SNX27: variants seen among roughly 807,000 people sequenced by gnomAD.
The protein encoded by SNX27 is sorting nexin-27.
In SNX27, 22 loss-of-function variants were observed where a neutral mutation model predicts 71.6. The observed-to-expected ratio is 0.31, with a 90% CI of 0.22 to 0.44. The LOEUF (loss-of-function observed/expected upper bound fraction) is 0.44, where lower values mean the gene tolerates loss of function less well. SNX27 is among the 20% of genes least tolerant of loss of function. The probability of loss-of-function intolerance (pLI) is 1.00; values close to 1 mark genes in which losing one functional copy is unlikely to be tolerated. For missense variants in SNX27, 531 were observed against 698.6 expected, an observed-to-expected ratio of 0.76 and a Z score of 2.70; for synonymous variants, 269 against 277.2, an observed-to-expected ratio of 0.97 and a Z score of 0.29.
At chr1:151,680,467 T>C (rs992513112) in intron 7 of SNX27, 1 of 152,104 alleles carries the variant, frequency 6.6e-6, no homozygotes, top group Non-Finnish European at 1.5e-5. Context: ...AGCAATTTCT[T>C]GATTAGAAAT....
intron 2 of SNX27, among the ~76,000 whole-genome samples, chr1:151,651,508 T>C (rs1343544036): frequency 3.1e-5 from 4 of 130,342 alleles, no homozygotes; most frequent in East Asian, 4.7e-4. Flanking sequence ...GGGCAGAGGG[T>C]CTCCTCACTT....
rs1668592839 is a variant in SNX27, at chr1:151,638,900, T to C, written c.324T>C (p.Asn108=). The C allele has an allele frequency of 6.2e-7, 1 of 1,614,086 alleles. No homozygotes were observed. Among genetic ancestry groups the C allele is most frequent in the Non-Finnish European group, 8.5e-7 (1 of 1,180,012 alleles). The part of the protein sequence containing the change: ...GDRILEVNHV[N]VEGATHKQVV... The stretch of plus-strand genomic sequence containing the variant: ...TTTTTCCCCTTAGGAACCACGTGAA[T>C]GTTGAGGGGGCGACACACAAGCAGG... The change falls in exon 2 of 12, where the codon AAT becomes AAC. Residue 108 remains asparagine, a synonymous_variant. Transcript: ENST00000458013.
chr1:151,669,249 T>C (rs1670352524), intron 7 of SNX27: 1 of 152,178 alleles, frequency 6.6e-6, no homozygotes, highest in Non-Finnish European at 1.5e-5. Flanking sequence ...CCCATCCCCT[T>C]AATATAGTCA....
chr1:151,698,522 A>G lies in SNX27; in HGVS notation c.*4105A>G, dbSNP rs1671889749. On this transcript the variant is annotated 3_prime_UTR_variant, in exon 12 of 12. Transcript: ENST00000458013. ...TAGCTTCCTTTGGGAGGATGATGTG[A>G]TAGAACACTCAGAGAGAGGGAGGGA... The G allele has an allele frequency of 6.6e-6, 1 of 152,364 alleles. No individual in the cohort carries two copies. 9.4% of individuals were successfully genotyped at this position (152,364 alleles called of 1,614,324 possible).
At chr1:151,671,772 T>C (rs980397393) in intron 7 of SNX27, among the ~76,000 whole-genome samples, 3 of 152,120 alleles carry the variant, frequency 2.0e-5, no homozygotes, top group African/African-American at 7.2e-5. Context: ...TCTTCACCTT[T>C]CTTTCATAGT....
In SNX27 at chr1:151,697,663, G is replaced by C. The variant is rs924941624; in HGVS notation, c.*3246G>C. 1 of 152,838 alleles carries C rather than the reference G, an allele frequency of 6.5e-6. No individual in the cohort carries two copies. Among genetic ancestry groups the C allele is most frequent in the Non-Finnish European group, 1.5e-5 (1 of 68,222 alleles). 9.5% of individuals were successfully genotyped at this position (152,838 alleles called of 1,614,324 possible). A position where few individuals can be genotyped will look rare whatever the true frequency, so the allele number is the denominator to read the frequency against. On this transcript the variant is annotated 3_prime_UTR_variant, in exon 12 of 12. Coordinates refer to ENST00000458013, the MANE Select transcript of SNX27 (RefSeq NM_001330723.2). ...ATCCCATAGGATCAAGCCCTTCTTT[G>C]CATGAAGCAGTGTTGTGACTCTTCT... is the stretch of plus-strand genomic sequence containing the variant.
intron 8 of SNX27, among the ~76,000 whole-genome samples, chr1:151,685,143 G>GT (rs1018204797): frequency 6.6e-6 from 1 of 151,808 alleles, no homozygotes; most frequent in African/African-American, 2.4e-5. Context: ...AAAATTTGAG[G>GT]TACTTGTAAA....
At chr1:151,652,188 AGGGAGAGGGAGACCGTG>A (rs1313998872) in intron 2 of SNX27, among the ~76,000 whole-genome samples, 23 of 99,730 alleles carry the variant, frequency 2.3e-4, no homozygotes, top group Non-Finnish European at 4.0e-4. Context: ...GTGGAAAGAG[AGGGAGAGGGAGACCGTG>A]GGGAGAGGGA....
intron 1 of SNX27, among the ~76,000 whole-genome samples, chr1:151,620,720 T>TG (rs1667633474): frequency 1.3e-5 from 2 of 150,698 alleles, no homozygotes; most frequent in East Asian, 3.9e-4. Context: ...GACAGAGTCT[T>TG]GCTCTGTCGC....
chr1:151,643,264 T>TTTTATTTA (rs201505831), intron 2 of SNX27, among the ~76,000 whole-genome samples: 20,232 of 138,958 alleles, frequency 0.15, 1,667 homozygotes, highest in Admixed American at 0.21. Context: ...ACGCCTGGCC[T>TTTTATTTA]TTTATTTATT....
chr1:151,693,086 G>A (rs200958332), intron 10 of SNX27, 47 bp downstream of exon 10: 14 of 1,472,548 alleles, frequency 9.5e-6, no homozygotes, highest in Non-Finnish European at 1.3e-5. Flanking sequence ...TTGTTTTTTT[G>A]TTTTTTTTTT....
Position 151,693,972 on chromosome 1 carries a change from G to A in SNX27, c.1579-398G>A, listed in dbSNP as rs959001994. The A allele has an allele frequency of 7.6e-5, 94 of 1,244,106 alleles. No individual in the cohort carries two copies. The African/African-American group carries it at 1.4e-3, about 18-fold the overall frequency. 77.1% of individuals were successfully genotyped at this position (1,244,106 alleles called of 1,614,324 possible). On this transcript the variant is annotated intron_variant, in intron 11 of 11. Transcript: ENST00000458013. ...GAATTTGGAAGATTCTGAATAATTAGTTACTTATTCTCAAAGAAAATCTTT... is the reference window on the plus strand; with the variant it reads ...GAATTTGGAAGATTCTGAATAATTAATTACTTATTCTCAAAGAAAATCTTT...
chr1:151,637,444 C>T (rs1302994298), intron 1 of SNX27, among the ~76,000 whole-genome samples: 1 of 152,128 alleles, frequency 6.6e-6, no homozygotes. Context: ...TCCCAAAGTG[C>T]TGGGATTATA....
intron 5 of SNX27, among the ~76,000 whole-genome samples, chr1:151,664,902 T>G (rs1670120241): frequency 6.6e-6 from 1 of 152,202 alleles, no homozygotes; most frequent in Admixed American, 6.5e-5. Context: ...CTTCTAGCTA[T>G]AAACTATTTT....
intron 6 of SNX27, 150 bp downstream of exon 6, chr1:151,666,161 C>T: frequency 2.1e-6 from 1 of 467,256 alleles, no homozygotes; most frequent in Non-Finnish European, 3.8e-6. Flanking sequence ...AAACTCAGGT[C>T]ATAAGCATGT....
chr1:151,632,553 C>G (rs939652475), intron 1 of SNX27, among the ~76,000 whole-genome samples: 2 of 152,294 alleles, frequency 1.3e-5, no homozygotes. Flanking sequence ...TAGGGGTAAA[C>G]TAGCTGTGTC....
rs376308367 is a variant in SNX27, at chr1:151,674,747, C to T, written c.1149+6112C>T. ...TTGTCGCCAGGCTAGAGGGCAATGG[C>T]GCGATCTTGGCTCACTGCAACCTCT... On this transcript the variant is annotated intron_variant, in intron 7 of 11. Transcript: ENST00000458013. Among the ~76,000 whole-genome samples, 17 of 151,674 alleles carry T rather than the reference C, an allele frequency of 1.1e-4. No homozygotes were observed. In the South Asian group the frequency reaches 1.7e-3, roughly 15 times the overall value.
At chr1:151,694,341 C>T in intron 11 of SNX27, 29 bp from the exon 12 acceptor site, 1 of 1,549,460 alleles carries the variant, frequency 6.5e-7, no homozygotes, top group South Asian at 1.2e-5. Context: ...ATGTGCCTTC[C>T]CAATAACTCT....
At chr1:151,622,900 C>A (rs1314134334) in intron 1 of SNX27, among the ~76,000 whole-genome samples, 1 of 152,126 alleles carries the variant, frequency 6.6e-6, no homozygotes, top group African/African-American at 2.4e-5. Flanking sequence ...GGGATTCTCC[C>A]ATCTCAGCCT....
Sources: allele counts gnomAD v4.1 joint callset (sites outside exome capture counted in the v4.1 genomes callset), GRCh38; gene constraint gnomAD v4.1.1; transcripts MANE v1.5; gene names NCBI Gene and HGNC (gene_info 2026-07-23, HGNC 2026-07-21).